The following KCNMA1 variants were observed in gnomAD, a reference collection of about 807,000 sequenced individuals.
KCNMA1 encodes Calcium-activated potassium channel subunit alpha-1.
A neutral mutation model predicts 140.0 loss-of-function variants in KCNMA1; 29 were observed. The ratio of observed to expected loss-of-function variants is 0.21; its 90% CI spans 0.15 to 0.28. The LOEUF (loss-of-function observed/expected upper bound fraction) is 0.28. Among genes scored for constraint, KCNMA1 ranks in the 10% least tolerant of loss-of-function variants. The probability of loss-of-function intolerance (pLI) is 1.00; values close to 1 mark genes in which losing one functional copy is unlikely to be tolerated. For synonymous variants in KCNMA1, 612 were observed against 611.9 expected (o/e 1.00, Z 0.00); for missense variants, 880 against 1,602.2 (o/e 0.55, Z 7.70).
chr10:77,034,468 G>A (rs1222104425), intron 15 of KCNMA1, among the ~76,000 whole-genome samples: 2 of 152,142 alleles, frequency 1.3e-5, no homozygotes, highest in African/African-American at 4.8e-5. Context: ...AGCTTTCGCC[G>A]GGCGGTCTTA....
chr10:77,019,339 CA>C (rs2092560711), intron 16 of KCNMA1: 1 of 528,538 alleles, frequency 1.9e-6, no homozygotes, highest in African/African-American at 1.9e-5. Context: ...GAAATCAAAG[CA>C]AATCAAGGTA....
intron 23 of KCNMA1, among the ~76,000 whole-genome samples, chr10:76,932,984 G>T (rs936163537): frequency 3.3e-5 from 5 of 152,130 alleles, no homozygotes; most frequent in African/African-American, 1.2e-4. Context: ...ATTCAGCGAG[G>T]CCAGTCAAAG....
In KCNMA1 at chr10:77,078,294, C is replaced by G. The variant is rs546071851; in HGVS notation, c.1593+1187G>C. Among the ~76,000 whole-genome samples, 22 of 152,310 alleles carry G rather than the reference C, an allele frequency of 1.4e-4. No homozygotes were observed. The East Asian group carries it at 3.7e-3, about 25-fold the overall frequency. ...TTTCTAGGTTTCATTAAGGACATAA[C>G]TGGTACTGCATCAAATGGAGAAAGG... On this transcript the variant is annotated intron_variant, in intron 13 of 27. Transcript: ENST00000286628.
chr10:77,374,590 G>A (rs1006867706), intron 2 of KCNMA1, among the ~76,000 whole-genome samples: 4 of 152,042 alleles, frequency 2.6e-5, no homozygotes, highest in African/African-American at 9.7e-5. Flanking sequence ...GGCATCTTTG[G>A]GTTTTCTCCA....
At chr10:77,496,521 C>T (rs918958444) in intron 1 of KCNMA1, among the ~76,000 whole-genome samples, 3 of 139,834 alleles carry the variant, frequency 2.1e-5, no homozygotes, top group East Asian at 4.9e-4. Flanking sequence ...GGCGTGAACC[C>T]GGGAGGCAAA....
Position 77,072,036 on chromosome 10 carries a change from A to G in KCNMA1, c.1749+1061T>C, listed in dbSNP as rs144164356. Among the ~76,000 whole-genome samples, 619 of 152,352 alleles carry G rather than the reference A, an allele frequency of 4.1e-3. 11 individuals are homozygous for G. Among genetic ancestry groups the G allele is most frequent in the Admixed American group, 0.02 (301 of 15,312 alleles). On this transcript the variant is annotated intron_variant, in intron 14 of 27. Coordinates refer to ENST00000286628, the MANE Select transcript of KCNMA1 (RefSeq NM_001161352.2). ...GAACTTGGCAGTCAATTAGGTAGCC[A>G]CATGACAGCAAAAGGCAGGAGGTCT...
intron 25 of KCNMA1, among the ~76,000 whole-genome samples, chr10:76,895,677 C>T (rs2042172852): frequency 6.6e-6 from 1 of 152,148 alleles, no homozygotes. Context: ...GAGAGTCTAT[C>T]AGACAAACCA....
At chr10:77,001,195 G>A (rs572807094) in intron 19 of KCNMA1, among the ~76,000 whole-genome samples, 21 of 152,122 alleles carry the variant, frequency 1.4e-4, no homozygotes, top group African/African-American at 4.3e-4. Context: ...ATGCTGTTAC[G>A]AGAAGCGTAA....
intron 19 of KCNMA1, 49 bp from the exon 20 acceptor site, chr10:76,970,116 T>C (rs1388287227): frequency 2.8e-6 from 4 of 1,433,550 alleles, no homozygotes; most frequent in Non-Finnish European, 2.0e-6. Flanking sequence ...GAGGGCAGAC[T>C]GTGCAATACA....
chr10:77,533,441 A>T (rs532894737), intron 1 of KCNMA1, among the ~76,000 whole-genome samples: 2 of 152,162 alleles, frequency 1.3e-5, no homozygotes, highest in Non-Finnish European at 2.9e-5. Context: ...TGTCTGCTTC[A>T]TTTGCAAACA....
intron 23 of KCNMA1, among the ~76,000 whole-genome samples, chr10:76,940,476 G>C (rs2152816239): frequency 6.6e-6 from 1 of 152,306 alleles, no homozygotes; most frequent in East Asian, 1.9e-4. Flanking sequence ...CCATAGGGTT[G>C]CATGCATATT....
intron 1 of KCNMA1, among the ~76,000 whole-genome samples, chr10:77,448,417 T>C (rs2097568169): frequency 6.6e-6 from 1 of 152,196 alleles, no homozygotes; most frequent in Non-Finnish European, 1.5e-5. Flanking sequence ...AAGACGATAA[T>C]TGTCACAGTG....
At chr10:76,960,005 C>G (rs1399853151) in intron 20 of KCNMA1, among the ~76,000 whole-genome samples, 2 of 152,220 alleles carry the variant, frequency 1.3e-5, no homozygotes, top group African/African-American at 4.8e-5. Context: ...GCCAGTGCTG[C>G]AGGGTGCCCA....
At chr10:77,446,990 T>A (rs935572419) in intron 1 of KCNMA1, among the ~76,000 whole-genome samples, 1 of 152,206 alleles carries the variant, frequency 6.6e-6, no homozygotes, top group African/African-American at 2.4e-5. Context: ...CTCATCAAGC[T>A]CTGCATGCCA....
At chr10:77,507,666 A>G (rs1054262719) in intron 1 of KCNMA1, among the ~76,000 whole-genome samples, 2 of 152,212 alleles carry the variant, frequency 1.3e-5, no homozygotes, top group African/African-American at 4.8e-5. Flanking sequence ...TGAAGGGACC[A>G]GACTGCCTTC....
intron 1 of KCNMA1, among the ~76,000 whole-genome samples, chr10:77,612,363 AACTCAGG>A (rs1436944736): frequency 6.6e-6 from 1 of 152,186 alleles, no homozygotes; most frequent in African/African-American, 2.4e-5. Flanking sequence ...TATTCTTCAG[AACTCAGG>A]GGCAGGTGGG....
rs1363348535 is a variant in KCNMA1 at position 77,412,387 on chromosome 10, C to A, written c.379-8364G>T. ...CTCCCTGGCCACTCCATTGCCCCAT[C>A]TCCTCTCGTCTGTTGAAACTGACCC... On this transcript the variant is annotated intron_variant, in intron 1 of 27. Coordinates refer to ENST00000286628, the MANE Select transcript of KCNMA1 (RefSeq NM_001161352.2). Among the ~76,000 whole-genome samples, 3 of 152,334 alleles carry A rather than the reference C, an allele frequency of 2.0e-5. No homozygotes were observed. The East Asian group carries it at 5.8e-4, about 29-fold the overall frequency.
At chr10:77,015,388 TTGC>T (rs1239424506) in intron 17 of KCNMA1, among the ~76,000 whole-genome samples, 1 of 152,104 alleles carries the variant, frequency 6.6e-6, no homozygotes, top group Non-Finnish European at 1.5e-5. Flanking sequence ...TTCCCCTTTC[TTGC>T]TAGCTCTGCA....
intron 14 of KCNMA1, among the ~76,000 whole-genome samples, chr10:77,051,277 A>G (rs972789218): frequency 1.3e-5 from 2 of 152,174 alleles, no homozygotes; most frequent in Non-Finnish European, 2.9e-5. Flanking sequence ...CAAAGAGACT[A>G]GATTTCATTT....
Sources: allele counts gnomAD v4.1 joint callset (sites outside exome capture counted in the v4.1 genomes callset), GRCh38; gene constraint gnomAD v4.1.1; transcripts MANE v1.5; gene names NCBI Gene and HGNC (gene_info 2026-07-23, HGNC 2026-07-21).